The following OPRM1 variants were observed in gnomAD, a reference collection of about 807,000 sequenced individuals.
OPRM1 encodes the protein mu-type opioid receptor.
OPRM1 carries 27 observed loss-of-function variants against 31.8 expected under a neutral mutation model. The observed-to-expected ratio is 0.85, with a 90% CI of 0.63 to 1.17. The LOEUF (loss-of-function observed/expected upper bound fraction) is 1.17. Ranked by LOEUF, OPRM1 falls within the 50% of genes most tolerant of loss-of-function variation. The pLI, the probability that OPRM1 is intolerant of heterozygous loss-of-function variation, is 0.00. For missense variants in OPRM1, 536 were observed against 511.1 expected (o/e 1.05, Z -0.47); for synonymous variants, 196 against 189.9 (o/e 1.03, Z -0.26).
At chr6:154,183,297 T>C (rs1173002452) in intron 3 of OPRM1, among the ~76,000 whole-genome samples, 2 of 152,220 alleles carry the variant, frequency 1.3e-5, no homozygotes, top group Non-Finnish European at 2.9e-5. Flanking sequence ...CTTTTCAAGA[T>C]GGCGCTCTCA....
At chr6:154,110,466 G>A (rs1796220890) in intron 3 of OPRM1, 1 of 1,169,846 alleles carries the variant, frequency 8.5e-7, no homozygotes, top group Admixed American at 2.0e-5. Flanking sequence ...GAGAGCCTGG[G>A]TTCTGCTGCT....
At chr6:154,070,512 AC>A (rs1786465738) in intron 1 of OPRM1, among the ~76,000 whole-genome samples, 1 of 151,984 alleles carries the variant, frequency 6.6e-6, no homozygotes, top group Non-Finnish European at 1.5e-5. Flanking sequence ...ATCCAAGTAA[AC>A]TCTTTAGAGC....
chr6:154,179,921 G>A (rs1202535220), intron 3 of OPRM1, among the ~76,000 whole-genome samples: 1 of 152,112 alleles, frequency 6.6e-6, no homozygotes, highest in Non-Finnish European at 1.5e-5. Context: ...TGCCGAGATT[G>A]TAAATTTTTA....
chr6:154,030,325 T>G (rs1380880524), intron 1 of OPRM1, among the ~76,000 whole-genome samples: 3 of 152,214 alleles, frequency 2.0e-5, no homozygotes, highest in Non-Finnish European at 4.4e-5. Flanking sequence ...GTGGGGACAC[T>G]GGGGATTTTA....
intron 3 of OPRM1, among the ~76,000 whole-genome samples, chr6:154,117,555 C>T (rs576788835): frequency 4.0e-4 from 61 of 152,246 alleles, no homozygotes; most frequent in Non-Finnish European, 7.5e-4. Context: ...GAACCCAGAG[C>T]TTAAGTCTCA....
Position 154,091,393 on chromosome 6 carries a change from A to G in OPRM1, c.1085A>G (p.Gln362Arg). 1 of 1,614,192 alleles carries G rather than the reference A, an allele frequency of 6.2e-7. No individual in the cohort carries two copies. Among genetic ancestry groups the G allele is most frequent in the Non-Finnish European group, 8.5e-7 (1 of 1,180,034 alleles). Residue 362 changes from glutamine to arginine, a missense_variant, in exon 3 of 4, where the codon CAA becomes CGA. By Grantham distance (43) the Gln-to-Arg change is conservative (BLOSUM62 1). Transcript: ENST00000330432. ...FCIPTSSNIE[Q>R]QNSTRIRQNT... The stretch of plus-strand genomic sequence containing the variant: ...ATCCCAACCTCTTCCAACATTGAGC[A>G]ACAAAACTCCACTCGAATTCGTCAG...
chr6:154,101,684 AT>A (rs1364213323), intron 3 of OPRM1, among the ~76,000 whole-genome samples: 1 of 152,194 alleles, frequency 6.6e-6, no homozygotes, highest in Non-Finnish European at 1.5e-5. Flanking sequence ...TTTCCTATAA[AT>A]GGAGAAATTG....
chr6:154,161,789 T>A (rs1465640785), intron 3 of OPRM1, among the ~76,000 whole-genome samples: 1 of 152,216 alleles, frequency 6.6e-6, no homozygotes, highest in Non-Finnish European at 1.5e-5. Context: ...AGACATTCAA[T>A]TCATGCATGT....
At chr6:154,093,292 C>A in intron 3 of OPRM1, 1 of 1,613,294 alleles carries the variant, frequency 6.2e-7, no homozygotes, top group Non-Finnish European at 8.5e-7. Flanking sequence ...CCTTCCCTGT[C>A]TTGCTGGGCT....
At chr6:154,221,915 A>G (rs1778897800) in intron 3 of OPRM1, among the ~76,000 whole-genome samples, 2 of 152,162 alleles carry the variant, frequency 1.3e-5, no homozygotes, top group South Asian at 4.1e-4. Flanking sequence ...ATATAGGTAT[A>G]TCCTCTTCCT....
Position 154,039,296 on chromosome 6 carries a change from T to G in OPRM1, c.-249T>G. The G allele has an allele frequency of 6.4e-7, 1 of 1,551,272 alleles. No homozygotes were observed. Among genetic ancestry groups the G allele is most frequent in the Non-Finnish European group, 8.7e-7 (1 of 1,146,786 alleles). On this transcript the variant is annotated 5_prime_UTR_variant, in exon 1 of 4. Transcript: ENST00000330432. Reference sequence around the variant, plus strand: ...GGCCCACGCTCCCCTCCTGCAGCGGTGCGGGGCAGGTGATGAGCCTCTGTG... The same window carrying G: ...GGCCCACGCTCCCCTCCTGCAGCGGGGCGGGGCAGGTGATGAGCCTCTGTG...
chr6:154,112,552 A>G (rs1796467034), intron 3 of OPRM1, among the ~76,000 whole-genome samples: 1 of 152,204 alleles, frequency 6.6e-6, no homozygotes, highest in Admixed American at 6.5e-5. Flanking sequence ...CCCAGGAGCC[A>G]GAGTCTCAAA....
chr6:154,067,913 CA>C (rs1562422004), intron 1 of OPRM1, among the ~76,000 whole-genome samples: 2 of 151,924 alleles, frequency 1.3e-5, no homozygotes, highest in East Asian at 3.8e-4. Flanking sequence ...TTTTTATTTA[CA>C]AAAAGTTAAA....
chr6:154,124,331 C>G lies in OPRM1; in HGVS notation c.*5610C>G, dbSNP rs1797464927. 6.6e-6 allele frequency among the ~76,000 whole-genome samples: 1 copy of G among 152,158 alleles called. No homozygotes were observed. The highest frequency in any genetic ancestry group is 2.4e-5 in the African/African-American group (1 of 41,446). On this transcript the variant is annotated 3_prime_UTR_variant, in exon 4 of 4. Transcript: ENST00000330432. ...AAGATCAGTTTTCTATGGGTTTTTT[C>G]CATCATGCATTTTATACAAATTTAA...
At chr6:154,210,115 G>A (rs1777846403) in intron 3 of OPRM1, among the ~76,000 whole-genome samples, 1 of 152,148 alleles carries the variant, frequency 6.6e-6, no homozygotes, top group Admixed American at 6.5e-5. Flanking sequence ...CCTTGTCTAA[G>A]AAGGCAATTT....
chr6:154,138,924 T>C (rs1048206539), intron 3 of OPRM1, among the ~76,000 whole-genome samples: 3 of 152,186 alleles, frequency 2.0e-5, no homozygotes, highest in Non-Finnish European at 2.9e-5. Context: ...CTACCCAGAT[T>C]GAGAAACCAG....
chr6:154,113,130 A>G (rs995145875), intron 3 of OPRM1, among the ~76,000 whole-genome samples: 2 of 152,208 alleles, frequency 1.3e-5, no homozygotes, highest in African/African-American at 4.8e-5. Context: ...TCAATGACCC[A>G]TTTACAATCA....
At chr6:154,106,747 A>C (rs1795637553) in intron 3 of OPRM1, among the ~76,000 whole-genome samples, 1 of 152,180 alleles carries the variant, frequency 6.6e-6, no homozygotes, top group Non-Finnish European at 1.5e-5. Flanking sequence ...GCTAGGGGGC[A>C]TGGTAAATTC....
rs369735224 is a variant in OPRM1 at position 154,019,597 on chromosome 6, G to A, written c.-1+8579G>A. On this transcript the variant is annotated intron_variant, in intron 1 of 5. Coordinates refer to the OPRM1 transcript ENST00000434900. Reference sequence around the variant, plus strand: ...TCTCACAACCATTGACTTTTCTACTGTCTCCAGAGTTTTGTCTTTTCCAGA... The same window carrying A: ...TCTCACAACCATTGACTTTTCTACTATCTCCAGAGTTTTGTCTTTTCCAGA... Among the ~76,000 whole-genome samples, 7 of 151,838 alleles carry A rather than the reference G, an allele frequency of 4.6e-5. No homozygotes were observed. The East Asian group carries it at 1.4e-3, about 29-fold the overall frequency.
Sources: gnomAD v4.1 joint callset for allele counts (sites outside exome capture counted in the v4.1 genomes callset) on GRCh38, gnomAD v4.1.1 for gene constraint, MANE v1.5 for transcripts, NCBI Gene and HGNC (gene_info 2026-07-23, HGNC 2026-07-21) for gene names.